Variants in TRAF3 observed in about 807,000 individuals in gnomAD.
TRAF3 encodes the protein TNF receptor-associated factor 3.
Under a neutral mutation model 62.3 loss-of-function variants are expected in TRAF3, and 13 were observed. The observed-to-expected ratio is 0.21, with a 90% CI of 0.14 to 0.33. The LOEUF (loss-of-function observed/expected upper bound fraction) is 0.33. Among genes scored for constraint, TRAF3 ranks in the 10% least tolerant of loss-of-function variants. The pLI is 1.00. For missense variants in TRAF3, 440 were observed against 741.8 expected (o/e 0.59, Z 4.73); for synonymous variants, 269 against 283.4 (o/e 0.95, Z 0.51).
chr14:102,884,033 C>T (rs1191140478), intron 6 of TRAF3, among the ~76,000 whole-genome samples: 2 of 152,244 alleles, frequency 1.3e-5, no homozygotes, highest in South Asian at 2.1e-4. Context: ...CCTTTGGCTT[C>T]TGTAACAAAG....
chr14:102,777,819 C>T (rs992203928), intron 1 of TRAF3, 144 bp downstream of exon 1: 4 of 145,734 alleles, frequency 2.7e-5, no homozygotes, highest in Admixed American at 6.8e-5. Context: ...AGGCCCGGCC[C>T]GTCCCAGCGG....
At chr14:102,822,659 G>A (rs766679575) in intron 1 of TRAF3, among the ~76,000 whole-genome samples, 1 of 152,058 alleles carries the variant, frequency 6.6e-6, no homozygotes, top group Non-Finnish European at 1.5e-5. Context: ...TTTACACACC[G>A]GTTGACTCAT....
At chr14:102,847,224 G>A (rs1886778145) in intron 2 of TRAF3, among the ~76,000 whole-genome samples, 1 of 152,152 alleles carries the variant, frequency 6.6e-6, no homozygotes, top group Admixed American at 6.5e-5. Context: ...AGACTGGAGT[G>A]CAGTGGTGTG....
At chr14:102,904,809 CAAAAAAA>C (rs36006172) in intron 11 of TRAF3, among the ~76,000 whole-genome samples, 1 of 80,008 alleles carries the variant, frequency 1.2e-5, no homozygotes, top group African/African-American at 4.3e-5. Context: ...GACTCCATCT[CAAAAAAA>C]AAAAAAAAAA....
intron 1 of TRAF3, among the ~76,000 whole-genome samples, chr14:102,803,870 C>T (rs1350057677): frequency 6.6e-6 from 1 of 152,136 alleles, no homozygotes; most frequent in Non-Finnish European, 1.5e-5. Context: ...ATATATAATT[C>T]TTGGCTTTGA....
chr14:102,860,840 T>G (rs1005949584), intron 2 of TRAF3, among the ~76,000 whole-genome samples: 3 of 152,232 alleles, frequency 2.0e-5, no homozygotes, highest in Non-Finnish European at 4.4e-5. Flanking sequence ...TTTTAACTGC[T>G]CAAGATAATT....
intron 1 of TRAF3, among the ~76,000 whole-genome samples, chr14:102,809,438 C>G (rs1898984713): frequency 6.6e-6 from 1 of 150,402 alleles, no homozygotes; most frequent in African/African-American, 2.4e-5. Flanking sequence ...CCTAGAGTGA[C>G]TTTCTTAAAG....
intron 2 of TRAF3, among the ~76,000 whole-genome samples, chr14:102,850,741 C>G (rs565773246): frequency 1.3e-5 from 2 of 149,382 alleles, no homozygotes; most frequent in Non-Finnish European, 3.0e-5. Flanking sequence ...CCAGATGCTG[C>G]GCTCCTGGTA....
At chr14:102,858,925 T>C (rs1887533282) in intron 2 of TRAF3, among the ~76,000 whole-genome samples, 1 of 152,200 alleles carries the variant, frequency 6.6e-6, no homozygotes, top group Non-Finnish European at 1.5e-5. Flanking sequence ...AATTTTAATG[T>C]CAGACCAGAA....
At chr14:102,823,716 T>C (rs1389486430) in intron 1 of TRAF3, among the ~76,000 whole-genome samples, 2 of 152,242 alleles carry the variant, frequency 1.3e-5, no homozygotes, top group African/African-American at 4.8e-5. Context: ...GGCTTGATTG[T>C]GTCCGCTTTT....
intron 1 of TRAF3, among the ~76,000 whole-genome samples, chr14:102,813,568 A>G (rs1899331774): frequency 6.6e-6 from 1 of 151,284 alleles, no homozygotes; most frequent in Non-Finnish European, 1.5e-5. Flanking sequence ...CTCCTGCCTC[A>G]ACCTCTTGAG....
chr14:102,879,107 G>GGGCT (rs1164485170), intron 6 of TRAF3, among the ~76,000 whole-genome samples: 3 of 151,980 alleles, frequency 2.0e-5, no homozygotes, highest in Non-Finnish European at 2.9e-5. Context: ...CAGGATCATG[G>GGGCT]GGCTGGAGCG....
intron 1 of TRAF3, among the ~76,000 whole-genome samples, chr14:102,822,010 C>T (rs1383338902): frequency 6.6e-6 from 1 of 151,968 alleles, no homozygotes; most frequent in African/African-American, 2.4e-5. Flanking sequence ...CCACTGCACT[C>T]CAGCCTGGAT....
chr14:102,854,134 CTAAG>C (rs1222101308), intron 2 of TRAF3, among the ~76,000 whole-genome samples: 1 of 151,784 alleles, frequency 6.6e-6, no homozygotes, highest in Non-Finnish European at 1.5e-5. Context: ...TTTTTTATGC[CTAAG>C]TAAGAGTTCA....
chr14:102,885,665 G>A (rs1368496117), intron 6 of TRAF3, among the ~76,000 whole-genome samples: 1 of 152,244 alleles, frequency 6.6e-6, no homozygotes, highest in African/African-American at 2.4e-5. Flanking sequence ...TTCTAGGTTA[G>A]TAATGTAAAT....
At chr14:102,893,743 C>G (rs1348792297) in intron 9 of TRAF3, among the ~76,000 whole-genome samples, 8 of 152,202 alleles carry the variant, frequency 5.3e-5, no homozygotes, top group Non-Finnish European at 8.8e-5. Context: ...GTGCACTTCC[C>G]TCTTGGACGT....
chr14:102,797,133 T>G (rs1898137457), intron 1 of TRAF3, among the ~76,000 whole-genome samples: 1 of 152,254 alleles, frequency 6.6e-6, no homozygotes, highest in African/African-American at 2.4e-5. Flanking sequence ...TTGGCCTGTC[T>G]CCTCTCTGTG....
intron 1 of TRAF3, among the ~76,000 whole-genome samples, chr14:102,796,758 C>T (rs1387798874): frequency 6.6e-6 from 1 of 152,184 alleles, no homozygotes; most frequent in Admixed American, 6.5e-5. Flanking sequence ...AGGCCAAGAC[C>T]TCTGGTCTGC....
chr14:102,779,006 C>T (rs1015784000), intron 1 of TRAF3, among the ~76,000 whole-genome samples: 3 of 152,186 alleles, frequency 2.0e-5, no homozygotes, highest in Admixed American at 6.6e-5. Context: ...AAGAATTAGT[C>T]TAAAGATGAA....
Sources: allele counts gnomAD v4.1 joint callset (sites outside exome capture counted in the v4.1 genomes callset), GRCh38; gene constraint gnomAD v4.1.1; transcripts MANE v1.5; gene names NCBI Gene and HGNC (gene_info 2026-07-23, HGNC 2026-07-21).